The following FRK variants were observed in gnomAD, a reference collection of about 807,000 sequenced individuals.
FRK encodes the protein tyrosine-protein kinase FRK.
FRK carries 51 observed loss-of-function variants against 56.4 expected under a neutral mutation model. That is an observed-to-expected ratio of 0.90 (90% CI 0.72 to 1.14). The LOEUF (loss-of-function observed/expected upper bound fraction) is 1.14, where lower values mean the gene tolerates loss of function less well. FRK is among the 50% of genes most tolerant of loss of function. The pLI, the probability that FRK is intolerant of heterozygous loss-of-function variation, is 0.00. For missense variants in FRK, 570 were observed against 601.4 expected (o/e 0.95, Z 0.55); for synonymous variants, 245 against 217.9 (o/e 1.12, Z -1.10).
rs574586737 is a variant in FRK, at chr6:116,030,847, T to C, written c.345-26849A>G. On this transcript the variant is annotated intron_variant, in intron 1 of 7. Transcript: ENST00000606080. ...TGGGAAGCACCCAATTTATAGCTAG[T>C]TGGTCAGAAGCAAAGGTCACAACCT... 2.0e-5 allele frequency among the ~76,000 whole-genome samples: 3 copies of C among 152,240 alleles called. No individual in the cohort carries two copies. In the South Asian group the frequency reaches 6.2e-4, roughly 32 times the overall value.
At chr6:116,080,510 T>A in the FRK span, among the ~76,000 whole-genome samples, 1 of 152,158 alleles carries the variant, frequency 6.6e-6, no homozygotes, top group Admixed American at 6.6e-5. Context: ...TCTGGCAGAT[T>A]TGCCTACGCA....
In FRK at chr6:115,951,813, C is replaced by T. The variant is rs563011923; in HGVS notation, c.958+4639G>A. On this transcript the variant is annotated intron_variant, in intron 5 of 7. Coordinates refer to ENST00000606080, the MANE Select transcript of FRK (RefSeq NM_002031.3). ...GTAGCCTCAGTACTGCCTAAGTAAACATCAACACATACTTTTAATACAACC... is the reference window on the plus strand; with the variant it reads ...GTAGCCTCAGTACTGCCTAAGTAAATATCAACACATACTTTTAATACAACC... Among the ~76,000 whole-genome samples the T allele has an allele frequency of 2.6e-5, 4 of 152,260 alleles. 1 individual carries two copies. In the South Asian group the frequency reaches 8.3e-4, roughly 32 times the overall value.
chr6:116,071,349 T>C, the FRK span, among the ~76,000 whole-genome samples: 1 of 152,162 alleles, frequency 6.6e-6, no homozygotes, highest in Admixed American at 6.6e-5. Flanking sequence ...TTTTCACACC[T>C]TCACAGTCAA....
At chr6:116,013,936 C>A (rs1775557328) in intron 1 of FRK, among the ~76,000 whole-genome samples, 1 of 152,074 alleles carries the variant, frequency 6.6e-6, no homozygotes, top group Admixed American at 6.6e-5. Context: ...TTTTCCTATA[C>A]TAGAGGTGAT....
At chr6:115,954,270 G>A (rs547392457) in intron 5 of FRK, among the ~76,000 whole-genome samples, 16 of 152,320 alleles carry the variant, frequency 1.1e-4, no homozygotes, top group African/African-American at 3.4e-4. Context: ...GATGAGATCC[G>A]AGAGGGAATA....
At chr6:116,008,184 A>G (rs1021526521) in intron 1 of FRK, among the ~76,000 whole-genome samples, 3 of 152,206 alleles carry the variant, frequency 2.0e-5, no homozygotes, top group African/African-American at 7.2e-5. Context: ...CAATATATAT[A>G]TAAGCAGGCA....
At chr6:116,099,863 T>C in the FRK span, among the ~76,000 whole-genome samples, 1,869 of 152,342 alleles carry the variant, frequency 0.012, 33 homozygotes, top group African/African-American at 0.039. Context: ...TGAAGCAGTG[T>C]AAACATAATA....
At chr6:116,039,443 G>T in intron 1 of FRK, 1 of 1,573,722 alleles carries the variant, frequency 6.4e-7, no homozygotes, top group Non-Finnish European at 8.7e-7. Flanking sequence ...TTCCTCGTGG[G>T]TGATGCTTCC....
intron 2 of FRK, among the ~76,000 whole-genome samples, chr6:115,984,795 T>C (rs1279108237): frequency 1.3e-5 from 2 of 152,114 alleles, no homozygotes; most frequent in Non-Finnish European, 2.9e-5. Context: ...GAATTAGACT[T>C]TGAATCACAT....
intron 1 of FRK, chr6:116,039,167 C>CT: frequency 8.9e-7 from 1 of 1,127,618 alleles, no homozygotes; most frequent in Non-Finnish European, 1.4e-6. Context: ...AGTGGCATCA[C>CT]TGAGAAGTTT....
Position 115,942,382 on chromosome 6 carries a change from C to A in FRK, c.*32G>T. Reference sequence around the variant, plus strand: ...GAATGGATTATTTGAATTTGTTTTGCTACTTTATTATTTGATATTCTTCTC... The same window carrying A: ...GAATGGATTATTTGAATTTGTTTTGATACTTTATTATTTGATATTCTTCTC... On this transcript the variant is annotated 3_prime_UTR_variant, in exon 8 of 8. Transcript: ENST00000606080. 6.5e-7 allele frequency: 1 copy of A among 1,532,148 alleles called. No homozygotes were observed. The highest frequency in any genetic ancestry group is 1.1e-5 in the South Asian group (1 of 88,496). 94.9% of individuals were successfully genotyped at this position (1,532,148 alleles called of 1,614,324 possible).
At chr6:116,081,169 G>A in the FRK span, among the ~76,000 whole-genome samples, 1 of 152,176 alleles carries the variant, frequency 6.6e-6, no homozygotes, top group South Asian at 2.1e-4. Flanking sequence ...CCTTCCACTG[G>A]GTGCCTCCCA....
chr6:116,053,992 CT>C (rs1424076839), intron 1 of FRK, among the ~76,000 whole-genome samples: 1 of 151,864 alleles, frequency 6.6e-6, no homozygotes, highest in Non-Finnish European at 1.5e-5. Context: ...ATTGGTTGCT[CT>C]TTTCTTCACA....
chr6:116,009,181 T>C (rs1775373189), intron 1 of FRK, among the ~76,000 whole-genome samples: 1 of 152,216 alleles, frequency 6.6e-6, no homozygotes, highest in Admixed American at 6.5e-5. Context: ...CCAAACTCAG[T>C]GATTGGCACA....
chr6:116,002,391 G>A (rs991989960), intron 2 of FRK, among the ~76,000 whole-genome samples: 1 of 152,186 alleles, frequency 6.6e-6, no homozygotes, highest in Non-Finnish European at 1.5e-5. Flanking sequence ...GGCCAAGGGC[G>A]GTGGATCACG....
chr6:115,946,990 G>A (rs1040321128), intron 5 of FRK, among the ~76,000 whole-genome samples: 2 of 152,088 alleles, frequency 1.3e-5, no homozygotes, highest in Admixed American at 1.3e-4. Flanking sequence ...GGGGACAGAA[G>A]GAGGTGGTGG....
At chr6:116,007,856 C>G (rs529093761) in intron 1 of FRK, among the ~76,000 whole-genome samples, 11 of 150,288 alleles carry the variant, frequency 7.3e-5, no homozygotes, top group African/African-American at 1.2e-4. Flanking sequence ...AGAAACAATA[C>G]AGCATTTGAA....
At chr6:115,989,652 A>G (rs1002292872) in intron 2 of FRK, among the ~76,000 whole-genome samples, 1 of 151,814 alleles carries the variant, frequency 6.6e-6, no homozygotes, top group Non-Finnish European at 1.5e-5. Flanking sequence ...TATTCCATGG[A>G]AAATACATAC....
chr6:116,096,258 A>G, the FRK span, among the ~76,000 whole-genome samples: 1 of 152,308 alleles, frequency 6.6e-6, no homozygotes, highest in East Asian at 1.9e-4. Context: ...AAGTAGCTAG[A>G]ATGGTCATCG....
Sources: gnomAD v4.1 joint callset for allele counts (sites outside exome capture counted in the v4.1 genomes callset) on GRCh38, gnomAD v4.1.1 for gene constraint, MANE v1.5 for transcripts, NCBI Gene and HGNC (gene_info 2026-07-23, HGNC 2026-07-21) for gene names.